Variants in GPRIN2 observed in about 807,000 individuals in gnomAD.
The protein encoded by GPRIN2 is G protein regulated inducer of neurite outgrowth 2.
A neutral mutation model predicts 0.3 loss-of-function variants in GPRIN2; 1 was observed. That is an observed-to-expected ratio of 3.90 (90% CI 1.39 to 18.51). The LOEUF is 18.51. Among genes scored for constraint, GPRIN2 ranks in the 30% most tolerant of loss-of-function variants. GPRIN2 has a pLI of 0.11. For missense variants in GPRIN2, 880 were observed against 604.2 expected, an observed-to-expected ratio of 1.46 and a Z score of -4.79; for synonymous variants, 361 against 258.6, an observed-to-expected ratio of 1.40 and a Z score of -3.80.
rs1832590414 is a variant in GPRIN2 at position 46,549,781 on chromosome 10, G to A, written c.956C>T (p.Ala319Val). ...RTKDVWTMTS[A>V]NDLAPAEASP... is the part of the protein sequence containing the mutation. The stretch of plus-strand genomic sequence containing the variant: ...TGCCTCTGCAGGGGCCAAGTCATTG[G>A]CTGAGGTCATGGTCCACACATCTTT... Residue 319 changes from alanine to valine, a missense_variant, in exon 3 of 3, where the codon GCC becomes GTC. Ala to Val is a moderately conservative substitution (Grantham distance 64). Transcript: ENST00000374314. The A allele has an allele frequency of 1.2e-5, 20 of 1,614,170 alleles. No homozygotes were observed. Among genetic ancestry groups the A allele is most frequent in the Non-Finnish European group, 1.6e-5 (19 of 1,180,036 alleles).
rs1321645743 is a variant in GPRIN2, at chr10:46,546,340, G to C, written c.*3020C>G. ...TGGGCAGAAGCAGGGAGCCCCTGGA[G>C]CAGACAGAGGGGGGATTCCTGCTGA... On this transcript the variant is annotated 3_prime_UTR_variant, in exon 3 of 3. Coordinates refer to ENST00000374314, the MANE Select transcript of GPRIN2 (RefSeq NM_001385282.1). Among the ~76,000 whole-genome samples the C allele has an allele frequency of 6.6e-6, 1 of 152,310 alleles. No homozygotes were observed. Among genetic ancestry groups the C allele is most frequent in the Non-Finnish European group, 1.5e-5 (1 of 68,058 alleles).
At chr10:46,557,443 C>G (rs575281912), upstream of GPRIN2, among the ~76,000 whole-genome samples, 1 of 152,312 alleles carries the variant, frequency 6.6e-6, no homozygotes, top group South Asian at 2.1e-4. Context: ...ATCTACCACC[C>G]CTTTCCCTGC....
upstream of GPRIN2, among the ~76,000 whole-genome samples, chr10:46,557,132 A>C: frequency 6.6e-6 from 1 of 151,596 alleles, no homozygotes; most frequent in Non-Finnish European, 1.5e-5. Context: ...TCCGCCTCTC[A>C]CAATTCTCTG....
rs1832974709 is a variant in GPRIN2, at chr10:46,544,743, G to A, written c.*4617C>T. Among the ~76,000 whole-genome samples the A allele has an allele frequency of 1.2e-4, 18 of 152,408 alleles. No homozygotes were observed. The highest frequency in any genetic ancestry group is 3.6e-4 in the African/African-American group (15 of 41,592). ...ACAGAACCAGTTCTGCTGAGAACGA[G>A]GACTCGAGTCAGGCTATGCTACCCT... On this transcript the variant is annotated 3_prime_UTR_variant, in exon 3 of 3. Transcript: ENST00000374314.
At position 46,550,424 on chromosome 10, in the gene GPRIN2, CACT is replaced by C; in HGVS notation, c.310_312del (p.Ser104del). Reference sequence around the variant, plus strand: ...CTAGGGGCCCGCAGGCGACACAGGTCACTGCCGCCCATGGTGGACACATTGCCC... The same window carrying C: ...CTAGGGGCCCGCAGGCGACACAGGTCGCCGCCCATGGTGGACACATTGCCC... On this transcript the variant is annotated inframe_deletion, in exon 3 of 3. Coordinates refer to ENST00000374314, the MANE Select transcript of GPRIN2 (RefSeq NM_001385282.1). 1 of 1,611,764 alleles carries C rather than the reference CACT, an allele frequency of 6.2e-7. No individual in the cohort carries two copies. The highest frequency in any genetic ancestry group is 1.3e-5 in the African/African-American group (1 of 75,088).
Position 46,547,854 on chromosome 10 carries a change from T to C in GPRIN2, c.*1506A>G, listed in dbSNP as rs1842309505. On this transcript the variant is annotated 3_prime_UTR_variant, in exon 3 of 3. Transcript: ENST00000374314. ...CATGTTTACGGGTGAGAATGGTCCATCGTTGGGCTTCAGGAGGCATCTGAC... is the reference window on the plus strand; with the variant it reads ...CATGTTTACGGGTGAGAATGGTCCACCGTTGGGCTTCAGGAGGCATCTGAC... Among the ~76,000 whole-genome samples, 1 of 152,304 alleles carries C rather than the reference T, an allele frequency of 6.6e-6. No homozygotes were observed. Among genetic ancestry groups the C allele is most frequent in the Admixed American group, 6.5e-5 (1 of 15,294 alleles).
Position 46,550,050 on chromosome 10 carries a change from C to A in GPRIN2, c.687G>T (p.Leu229=), listed in dbSNP as rs1832499883. ...TGCCACAGAGTAGAGCAGCTGGGGG[C>A]AGAGCATGGCAGGTGGTGGTAGCCA... The part of the protein sequence containing the change: ...EQLATTTCHA[L]PPAALLCGMR... The change falls in exon 3 of 3, where the codon CTG becomes CTT. Residue 229 remains leucine (L), a synonymous_variant. Transcript: ENST00000374314. The A allele has an allele frequency of 7.4e-6, 12 of 1,613,706 alleles. No homozygotes were observed. Among genetic ancestry groups the A allele is most frequent in the East Asian group, 4.5e-5 (2 of 44,888 alleles).
In GPRIN2 at chr10:46,556,617, C is replaced by A. The variant is rs1843267118; in HGVS notation, c.-237G>T. Among the ~76,000 whole-genome samples, 1 of 151,940 alleles carries A rather than the reference C, an allele frequency of 6.6e-6. No homozygotes were observed. Among genetic ancestry groups the A allele is most frequent in the African/African-American group, 2.4e-5 (1 of 41,428 alleles). ...GACCTGGCCTGGGCGCGAGACGCCG[C>A]CCGCCGCCGTCGGCCCGGCCCGCGG... On this transcript the variant is annotated 5_prime_UTR_variant, in exon 1 of 3. Transcript: ENST00000374314.
In GPRIN2 at chr10:46,549,549, A is replaced by T; in HGVS notation, c.1188T>A (p.Ala396=). 6.2e-7 allele frequency: 1 copy of T among 1,613,920 alleles called. No individual in the cohort carries two copies. Among genetic ancestry groups the T allele is most frequent in the Non-Finnish European group, 8.5e-7 (1 of 1,179,782 alleles). ...AEGMTWEVYG[A]AVDLEVLGVA... ...CACCGAGCACCTCCAGGTCCACCGCAGCTCCGTACACCTCCCATGTCATGC... is the reference window on the plus strand; with the variant it reads ...CACCGAGCACCTCCAGGTCCACCGCTGCTCCGTACACCTCCCATGTCATGC... Residue 396 remains alanine (A), a synonymous_variant, in exon 3 of 3, where the codon GCT becomes GCA. Coordinates refer to ENST00000374314, the MANE Select transcript of GPRIN2 (RefSeq NM_001385282.1).
intron 2 of GPRIN2, among the ~76,000 whole-genome samples, chr10:46,551,057 G>C (rs1842545476): frequency 6.6e-6 from 1 of 152,308 alleles, no homozygotes; most frequent in Non-Finnish European, 1.5e-5. Context: ...TGGCTGGTTT[G>C]TGTGGGAGGG....
At position 46,545,910 on chromosome 10, in the gene GPRIN2, A is replaced by G. The variant is rs1050934000; in HGVS notation, c.*3450T>C. Among the ~76,000 whole-genome samples the G allele has an allele frequency of 6.6e-6, 1 of 152,306 alleles. No individual in the cohort carries two copies. Among genetic ancestry groups the G allele is most frequent in the Admixed American group, 6.5e-5 (1 of 15,294 alleles). ...GTAACTTGCCCAAGATCACATGGCT[A>G]TAGGTGTGGATCCTATATATCCAGA... On this transcript the variant is annotated 3_prime_UTR_variant, in exon 3 of 3. Transcript: ENST00000374314.
intron 1 of GPRIN2, among the ~76,000 whole-genome samples, chr10:46,555,816 C>A (rs945469): frequency 6.6e-6 from 1 of 152,326 alleles, no homozygotes; most frequent in Non-Finnish European, 1.5e-5. Flanking sequence ...CCTATCTGCA[C>A]GCTCACAAGC....
Position 46,549,498 on chromosome 10 carries a change from C to T in GPRIN2, c.1239G>A (p.Met413Ile), listed in dbSNP as rs1832698638. ...LGVAIQKHLE[M>I]QFEQLQRAPA... ...GCGCCCGCTGCAGCTGCTCAAACTGCATCTCCAGGTGCTTCTGGATGGCCA... is the reference window on the plus strand; with the variant it reads ...GCGCCCGCTGCAGCTGCTCAAACTGTATCTCCAGGTGCTTCTGGATGGCCA... The change falls in exon 3 of 3, where the codon ATG (methionine) becomes ATA (isoleucine). Residue 413 changes from methionine to isoleucine, a missense_variant. Transcript: ENST00000374314. The T allele has an allele frequency of 1.9e-6, 3 of 1,613,000 alleles. No homozygotes were observed. The highest frequency in any genetic ancestry group is 1.7e-4 in the Middle Eastern group (1 of 6,056).
At chr10:46,555,923 G>C (rs1439946901) in intron 1 of GPRIN2, among the ~76,000 whole-genome samples, 1 of 152,310 alleles carries the variant, frequency 6.6e-6, no homozygotes, top group East Asian at 1.9e-4. Flanking sequence ...CCTGCTGCGG[G>C]GCCAAAGGCC....
At chr10:46,557,362 C>T (rs1357499225), upstream of GPRIN2, among the ~76,000 whole-genome samples, 1 of 152,306 alleles carries the variant, frequency 6.6e-6, no homozygotes, top group Admixed American at 6.5e-5. Context: ...CCTCCATTGC[C>T]CCTCAAGAGC....
At chr10:46,552,605 G>A (rs1340068477) in intron 2 of GPRIN2, among the ~76,000 whole-genome samples, 1 of 152,312 alleles carries the variant, frequency 6.6e-6, no homozygotes. Context: ...TGAGACTCCA[G>A]CTCTGCACAA....
Position 46,544,741 on chromosome 10 carries a change from G to A in GPRIN2, c.*4619C>T, listed in dbSNP as rs1832975134. Among the ~76,000 whole-genome samples, 90 of 152,376 alleles carry A rather than the reference G, an allele frequency of 5.9e-4. No individual in the cohort carries two copies. Among genetic ancestry groups the A allele is most frequent in the African/African-American group, 2.0e-3 (82 of 41,562 alleles). On this transcript the variant is annotated 3_prime_UTR_variant, in exon 3 of 3. Coordinates refer to ENST00000374314, the MANE Select transcript of GPRIN2 (RefSeq NM_001385282.1). ...CCACAGAACCAGTTCTGCTGAGAAC[G>A]AGGACTCGAGTCAGGCTATGCTACC... is the stretch of plus-strand genomic sequence containing the variant.
chr10:46,543,477 C>T lies in GPRIN2; in HGVS notation c.*5883G>A, dbSNP rs959561218. ...AGCGGGTGCAGGACCAGCAGAGGTC[C>T]CCCGACTGTCCTTGGCTGTGTGCAC... On this transcript the variant is annotated 3_prime_UTR_variant, in exon 3 of 3. Coordinates refer to ENST00000374314, the MANE Select transcript of GPRIN2 (RefSeq NM_001385282.1). Among the ~76,000 whole-genome samples the T allele has an allele frequency of 1.6e-4, 25 of 152,406 alleles. No individual in the cohort carries two copies. Among genetic ancestry groups the T allele is most frequent in the African/African-American group, 4.8e-4 (20 of 41,592 alleles).
In GPRIN2 at chr10:46,542,222, G is replaced by A; in HGVS notation, c.*7138C>T. On this transcript the variant is annotated 3_prime_UTR_variant, in exon 3 of 3. Coordinates refer to ENST00000374314, the MANE Select transcript of GPRIN2 (RefSeq NM_001385282.1). ...GCAACAGGGAACAAATCTGAGTGGA[G>A]GGGAGAATTCTACCCCTCCCAGGGT... is the stretch of plus-strand genomic sequence containing the variant. Among the ~76,000 whole-genome samples, 1 of 152,424 alleles carries A rather than the reference G, an allele frequency of 6.6e-6. No homozygotes were observed. Among genetic ancestry groups the A allele is most frequent in the Middle Eastern group, 3.4e-3 (1 of 294 alleles).
Sources: allele counts gnomAD v4.1 joint callset (sites outside exome capture counted in the v4.1 genomes callset), GRCh38; gene constraint gnomAD v4.1.1; transcripts MANE v1.5; gene names NCBI Gene and HGNC (gene_info 2026-07-23, HGNC 2026-07-21).